The following POM121C variants were observed in gnomAD, a reference collection of about 807,000 sequenced individuals.
POM121C encodes the protein POM121 transmembrane nucleoporin C.
A neutral mutation model predicts 66.4 loss-of-function variants in POM121C; 20 were observed. The ratio of observed to expected loss-of-function variants is 0.30; its 90% CI spans 0.21 to 0.44. POM121C has a LOEUF of 0.44. POM121C is among the 20% of genes least tolerant of loss of function. The pLI, the probability that POM121C is intolerant of heterozygous loss-of-function variation, is 1.00. For synonymous variants in POM121C, 286 were observed against 528.0 expected (o/e 0.54, Z 6.28); for missense variants, 580 against 1,225.7 (o/e 0.47, Z 7.87).
intron 10 of POM121C, 82 bp from the exon 11 acceptor site, chr7:75,424,710 G>A (rs1789866358): frequency 1.3e-6 from 2 of 1,569,610 alleles, no homozygotes; most frequent in Non-Finnish European, 1.8e-6. Flanking sequence ...GGTAATCTCA[G>A]CACTCTGGGA....
chr7:75,428,674 A>C (rs1584655656), intron 7 of POM121C, among the ~76,000 whole-genome samples: 1 of 152,234 alleles, frequency 6.6e-6, no homozygotes, highest in East Asian at 1.9e-4. Flanking sequence ...TCACTGAGCA[A>C]GCAAGGGTCA....
chr7:75,480,725 C>T (rs587740720), intron 1 of POM121C, among the ~76,000 whole-genome samples: 6 of 152,018 alleles, frequency 3.9e-5, no homozygotes, highest in Admixed American at 3.3e-4. Context: ...GTTATAATGG[C>T]ACTGTGGAAC....
chr7:75,434,703 G>A (rs1313873463), intron 7 of POM121C, among the ~76,000 whole-genome samples: 3 of 150,884 alleles, frequency 2.0e-5, no homozygotes, highest in South Asian at 2.1e-4. Flanking sequence ...CTGCCTCAGC[G>A]TCCCGAGTAG....
intron 1 of POM121C, among the ~76,000 whole-genome samples, chr7:75,476,007 T>C (rs2116532046): frequency 6.6e-6 from 1 of 152,194 alleles, no homozygotes; most frequent in South Asian, 2.1e-4. Context: ...GGGCTGGGCA[T>C]GGTGGCTCAT....
Position 75,418,889 on chromosome 7 carries a change from C to G in POM121C, c.2871G>C (p.Ser957=). The G allele has an allele frequency of 6.2e-7, 1 of 1,610,282 alleles. No individual in the cohort carries two copies. The highest frequency in any genetic ancestry group is 2.3e-4 in the Middle Eastern group (1 of 4,416). The part of the protein sequence containing the change: ...QGFVGVGPFG[S]AAPSFSIGAG... Reference sequence around the variant, plus strand: ...CACCAATGGAAAATGAAGGGGCCGCCGATCCTGGAAAGATTCAACAAGACC... The same window carrying G: ...CACCAATGGAAAATGAAGGGGCCGCGGATCCTGGAAAGATTCAACAAGACC... The change falls in exon 15 of 15, where the codon TCG becomes TCC. Residue 957 remains serine (S), a synonymous_variant. Coordinates refer to ENST00000615331, the MANE Select transcript of POM121C (RefSeq NM_001099415.3).
chr7:75,476,238 C>T (rs1554479335), intron 1 of POM121C, among the ~76,000 whole-genome samples: 3 of 150,896 alleles, frequency 2.0e-5, no homozygotes, highest in Non-Finnish European at 4.4e-5. Context: ...CTACAGTGAG[C>T]TGTGAATGCA....
At chr7:75,463,386 G>T (rs1554477307) in intron 3 of POM121C, among the ~76,000 whole-genome samples, 1 of 150,964 alleles carries the variant, frequency 6.6e-6, no homozygotes, top group East Asian at 1.9e-4. Context: ...GCTAAGCCCT[G>T]AAGGACTGCT....
At position 75,416,909 on chromosome 7, in the gene POM121C, C is replaced by T; in HGVS notation, c.*1887G>A. 1.4e-6 allele frequency: 2 copies of T among 1,431,024 alleles called. No homozygotes were observed. The highest frequency in any genetic ancestry group is 1.8e-6 in the Non-Finnish European group (2 of 1,097,636). The allele number at this position is 1,431,024 out of a possible 1,614,324, so 88.6% of individuals were successfully genotyped here. On this transcript the variant is annotated 3_prime_UTR_variant, in exon 15 of 15. Coordinates refer to ENST00000615331, the MANE Select transcript of POM121C (RefSeq NM_001099415.3). ...TCTATTTGTAATGGAAAGTCCCAGC[C>T]TCCCGCTGCCGTCCAGTGTGTGTAC...
chr7:75,470,913 C>T (rs1791849439), intron 3 of POM121C, among the ~76,000 whole-genome samples: 1 of 151,970 alleles, frequency 6.6e-6, no homozygotes, highest in Non-Finnish European at 1.5e-5. Flanking sequence ...GGATTACAGG[C>T]ATAAGCCACC....
intron 3 of POM121C, among the ~76,000 whole-genome samples, chr7:75,462,508 C>T (rs1337238539): frequency 6.6e-6 from 1 of 152,016 alleles, no homozygotes; most frequent in Non-Finnish European, 1.5e-5. Context: ...TGCCCTTGCC[C>T]CACAACCTTC....
At chr7:75,476,351 C>T (rs1472003104) in intron 1 of POM121C, among the ~76,000 whole-genome samples, 2 of 151,856 alleles carry the variant, frequency 1.3e-5, no homozygotes, top group Non-Finnish European at 2.9e-5. Flanking sequence ...CCTGCCTTGG[C>T]CTCCCAAAGT....
rs1789710383 is a variant in POM121C, at chr7:75,421,596, C to T, written c.2656G>A (p.Gly886Ser). 1 of 1,613,414 alleles carries T rather than the reference C, an allele frequency of 6.2e-7. No homozygotes were observed. ...ATSTPFTGGLGQNALGTTGQS... is the reference protein window; with the variant it reads ...ATSTPFTGGLSQNALGTTGQS... ...CCGGTGGTGCCCAGGGCGTTCTGACCTAAGCCCCCTGTGAAGGGGGTGGAG... is the reference window on the plus strand; with the variant it reads ...CCGGTGGTGCCCAGGGCGTTCTGACTTAAGCCCCCTGTGAAGGGGGTGGAG... Residue 886 changes from glycine (G) to serine (S), a missense_variant, in exon 13 of 15, where the codon GGT (glycine) becomes AGT (serine). By Grantham distance (56) the Gly-to-Ser change is moderately conservative. Transcript: ENST00000615331.
intron 6 of POM121C, among the ~76,000 whole-genome samples, chr7:75,438,752 C>T (rs774930793): frequency 1.6e-4 from 24 of 152,176 alleles, no homozygotes; most frequent in Non-Finnish European, 2.9e-4. Context: ...TAAGTCTTTC[C>T]ACACAGACTT....
intron 7 of POM121C, among the ~76,000 whole-genome samples, chr7:75,428,941 T>G (rs1790063938): frequency 7.0e-6 from 1 of 143,552 alleles, no homozygotes; most frequent in South Asian, 2.1e-4. Context: ...TATAGTGAGG[T>G]CTCTTCAAGG....
chr7:75,422,017 T>C lies in POM121C; in HGVS notation c.2235A>G (p.Thr745=). ...SAAPAPATAP[T]PAPASTIKIV... is the part of the protein sequence containing the mutation. ...TCTTGATCGTGGACGCAGGTGCAGG[T>C]GTGGGTGCAGTAGCCGGGGCCGGGG... is the stretch of plus-strand genomic sequence containing the variant. The change falls in exon 13 of 15, where the codon ACA becomes ACG. Residue 745 remains threonine (T), a synonymous_variant. Transcript: ENST00000615331. 1 of 1,613,644 alleles carries C rather than the reference T, an allele frequency of 6.2e-7. No individual in the cohort carries two copies. Among genetic ancestry groups the C allele is most frequent in the East Asian group, 2.2e-5 (1 of 44,872 alleles).
chr7:75,423,286 CTA>C, intron 12 of POM121C, 83 bp from the exon 13 acceptor site: 1 of 1,545,288 alleles, frequency 6.5e-7, no homozygotes, highest in Non-Finnish European at 8.7e-7. Context: ...CTCCCCACGC[CTA>C]CCACAGAGCC....
intron 13 of POM121C, chr7:75,420,658 T>A (rs1305451516): frequency 6.6e-6 from 1 of 152,296 alleles, no homozygotes; most frequent in Non-Finnish European, 1.5e-5. Context: ...TTTTCTCTCC[T>A]ACTTCACGAA....
chr7:75,422,213 G>A lies in POM121C; in HGVS notation c.2039C>T (p.Thr680Ile). The change falls in exon 13 of 15, where the codon ACC becomes ATC. Residue 680 changes from threonine to isoleucine, a missense_variant. Thr to Ile is a moderately conservative substitution (Grantham distance 89, BLOSUM62 -1). Transcript: ENST00000615331. ...GCCAAAGGGAATGTTGAACGTGGGG[G>A]TGCTCGTGTTACTGAACGTCAGAGT... ...QPTLTFSNTS[T>I]PTFNIPFGSS... is the part of the protein sequence containing the mutation. 2 of 1,611,142 alleles carry A rather than the reference G, an allele frequency of 1.2e-6. No homozygotes were observed. The highest frequency in any genetic ancestry group is 1.3e-5 in the African/African-American group (1 of 74,968).
At position 75,416,789 on chromosome 7, in the gene POM121C, G is replaced by A. The variant is rs1368432134; in HGVS notation, c.*2007C>T. 6.5e-7 allele frequency: 1 copy of A among 1,528,914 alleles called. No homozygotes were observed. Among genetic ancestry groups the A allele is most frequent in the African/African-American group, 1.4e-5 (1 of 71,890 alleles). The allele number at this position is 1,528,914 out of a possible 1,614,324, so 94.7% of individuals were successfully genotyped here. ...AAATAAAATGCAGAACGTACTCTAC[G>A]ATAGATCACAGTTTTTTATTCTTAA... is the stretch of plus-strand genomic sequence containing the variant. On this transcript the variant is annotated 3_prime_UTR_variant, in exon 15 of 15. Transcript: ENST00000615331.
Sources: allele counts gnomAD v4.1 joint callset (sites outside exome capture counted in the v4.1 genomes callset), GRCh38; gene constraint gnomAD v4.1.1; transcripts MANE v1.5; gene names NCBI Gene and HGNC (gene_info 2026-07-23, HGNC 2026-07-21).